FLNC: variants seen among roughly 807,000 people sequenced by gnomAD.
FLNC encodes the protein filamin-C.
Under a neutral mutation model 254.3 loss-of-function variants are expected in FLNC, and 91 were observed. That is an observed-to-expected ratio of 0.36 (90% CI 0.30 to 0.43). The LOEUF (loss-of-function observed/expected upper bound fraction) is 0.43. Among genes scored for constraint, FLNC ranks in the 20% least tolerant of loss-of-function variants. The probability of loss-of-function intolerance (pLI) is 1.00; values close to 1 mark genes in which losing one functional copy is unlikely to be tolerated. For missense variants in FLNC, 2,853 were observed against 3,802.6 expected (o/e 0.75, Z 6.57); for synonymous variants, 1,430 against 1,577.2 (o/e 0.91, Z 2.21).
chr7:128,858,948 G>A lies in FLNC; in HGVS notation c.*425G>A, dbSNP rs576323057. ...CCTCCTGACCCCGAGGACTTGGTCT[G>A]GTCTCTCTGGTGGCTACAACCCCAG... On this transcript the variant is annotated 3_prime_UTR_variant, in exon 48 of 48. Transcript: ENST00000325888. This position sits in a 1 kb window ranked among gnomAD's most constrained non-coding sequence, Gnocchi z 6.7. 2.6e-5 allele frequency: 6 copies of A among 234,366 alleles called. No homozygotes were observed. The highest frequency in any genetic ancestry group is 6.9e-5 in the South Asian group (1 of 14,532). 14.5% of individuals were successfully genotyped at this position (234,366 alleles called of 1,614,324 possible). A position where few individuals can be genotyped will look rare whatever the true frequency, so the allele number is the denominator to read the frequency against.
Position 128,836,131 on chromosome 7 carries a change from T to A in FLNC, c.601+557T>A, listed in dbSNP as rs1048666738. ...GTGGCAGGTGAGCCAGCCTTGCCCC[T>A]TCTCCGTGTAGGTCCTGGCCTGGTC... On this transcript the variant is annotated intron_variant, in intron 2 of 47. Coordinates refer to ENST00000325888, the MANE Select transcript of FLNC (RefSeq NM_001458.5). This position sits in a 1 kb window ranked among gnomAD's most constrained non-coding sequence, Gnocchi z 6.0. 6.6e-6 allele frequency among the ~76,000 whole-genome samples: 1 copy of A among 152,174 alleles called. No homozygotes were observed. Among genetic ancestry groups the A allele is most frequent in the African/African-American group, 2.4e-5 (1 of 41,452 alleles).
Position 128,848,654 on chromosome 7 carries a change from G to A in FLNC, c.4674G>A (p.Leu1558=). Residue 1558 remains leucine, a synonymous_variant, in exon 27 of 48, where the codon CTG becomes CTA. Transcript: ENST00000325888. ...ACGCCTCTGGCATCCCTGCCAGCCTGCCTGTGGAGTTCACCATCGACGCAC... is the reference window on the plus strand; with the variant it reads ...ACGCCTCTGGCATCCCTGCCAGCCTACCTGTGGAGTTCACCATCGACGCAC... ...GLNASGIPAS[L]PVEFTIDARD... 6.2e-7 allele frequency: 1 copy of A among 1,613,568 alleles called. No homozygotes were observed. Among genetic ancestry groups the A allele is most frequent in the African/African-American group, 1.3e-5 (1 of 75,062 alleles).
rs765841097 is a variant in FLNC, at chr7:128,854,847, C to T, written c.7070C>T (p.Ala2357Val). The T allele has an allele frequency of 6.2e-7, 1 of 1,614,022 alleles. No individual in the cohort carries two copies. Among genetic ancestry groups the T allele is most frequent in the South Asian group, 1.1e-5 (1 of 91,076 alleles). Reference protein sequence around the residue: ...LSIAVEGPSKAEIAFEDRKDG... With the variant: ...LSIAVEGPSKVEIAFEDRKDG... ...ATTGCTGTGGAGGGTCCTAGCAAAG[C>T]GGAGATTGCATTTGAGGATCGCAAA... The change falls in exon 42 of 48, where the codon GCG becomes GTG. Residue 2357 changes from alanine (A) to valine (V), a missense_variant. Around this residue, in one of 10 missense-constraint regions of FLNC, gnomAD observed 551 missense variants for 835.0 expected, o/e 0.66. Transcript: ENST00000325888.
Position 128,856,480 on chromosome 7 carries a change from C to A in FLNC, c.7252-38C>A. 6.2e-7 allele frequency: 1 copy of A among 1,607,064 alleles called. No homozygotes were observed. The highest frequency in any genetic ancestry group is 8.5e-7 in the Non-Finnish European group (1 of 1,179,804). On this transcript the variant is annotated intron_variant, in intron 43 of 47. Transcript: ENST00000325888. This position sits in a 1 kb window ranked among gnomAD's most constrained non-coding sequence, Gnocchi z 5.9. ...TCAGAGAAGACTGCTCCAGCCCCGG[C>A]CTCCCAGGAGTCTGAGCATCCTCCG...
rs1011301530 is a variant in FLNC, at chr7:128,830,864, T to G, written c.227T>G (p.Val76Gly). 1.2e-6 allele frequency: 2 copies of G among 1,612,870 alleles called. No individual in the cohort carries two copies. Among genetic ancestry groups the G allele is most frequent in the Non-Finnish European group, 1.7e-6 (2 of 1,179,940 alleles). The part of the protein sequence containing the change: ...DGLRLIALLE[V>G]LSQKRMYRKF... ...CTCCGGCTCATCGCGCTGCTCGAGG[T>G]GCTCAGCCAGAAGCGCATGTACCGC... The change falls in exon 1 of 48, where the codon GTG (valine) becomes GGG (glycine). Residue 76 changes from valine to glycine, a missense_variant. Around this residue, in one of 10 missense-constraint regions of FLNC, gnomAD observed 59 missense variants for 59.8 expected, o/e 0.99. Transcript: ENST00000325888.
In FLNC at chr7:128,841,157, C is replaced by G. The variant is rs766268709; in HGVS notation, c.1814-13C>G. 5 of 1,613,204 alleles carry G rather than the reference C, an allele frequency of 3.1e-6. No individual in the cohort carries two copies. Among genetic ancestry groups the G allele is most frequent in the Non-Finnish European group, 2.5e-6 (3 of 1,179,804 alleles). On this transcript the variant is annotated splice_polypyrimidine_tract_variant and intron_variant, in intron 11 of 47. Transcript: ENST00000325888. The surrounding 1 kb of genome is among the most constrained non-coding windows in gnomAD (Gnocchi z 4.3). ...TGATGCTGGATCCCCGACCCTCCCC[C>G]ACCTTGCCCCAGGCTTCTCCATCGA...
In FLNC at chr7:128,853,767, C is replaced by T. The variant is rs1173000688; in HGVS notation, c.6414C>T (p.Ile2138=). The change falls in exon 39 of 48, where the codon ATC becomes ATT. Residue 2138 remains isoleucine, a synonymous_variant. Coordinates refer to ENST00000325888, the MANE Select transcript of FLNC (RefSeq NM_001458.5). ...VTGEGRMKES[I]TRRRQAPSIA... ...GCGAGGGCCGCATGAAGGAGAGCATCACCCGGCGGAGACAGGCACCTTCCA... is the reference window on the plus strand; with the variant it reads ...GCGAGGGCCGCATGAAGGAGAGCATTACCCGGCGGAGACAGGCACCTTCCA... 2 of 1,613,854 alleles carry T rather than the reference C, an allele frequency of 1.2e-6. No homozygotes were observed. Among genetic ancestry groups the T allele is most frequent in the Non-Finnish European group, 1.7e-6 (2 of 1,180,048 alleles).
chr7:128,832,931 G>A (rs1807951210), intron 1 of FLNC, among the ~76,000 whole-genome samples: 1 of 152,168 alleles, frequency 6.6e-6, no homozygotes, highest in Non-Finnish European at 1.5e-5. Context: ...TGGTGGAAAG[G>A]GGCTATCCAT....
In FLNC at chr7:128,843,528, T is replaced by C. The variant is rs1362325972; in HGVS notation, c.2762T>C (p.Ile921Thr). The C allele has an allele frequency of 1.9e-6, 3 of 1,613,908 alleles. No homozygotes were observed. Among genetic ancestry groups the C allele is most frequent in the African/African-American group, 2.7e-5 (2 of 75,028 alleles). The part of the protein sequence containing the change: ...KGEVVRDFEI[I>T]DNHDYSYTVK... ...GAGGTTGTGCGGGACTTTGAGATCA[T>C]AGACAACCATGACTACTCCTACACT... Residue 921 changes from isoleucine to threonine, a missense_variant, in exon 18 of 48, where the codon ATA becomes ACA. Transcript: ENST00000325888.
rs3734973 is a variant in FLNC at position 128,844,762 on chromosome 7, A to G, written c.3297A>G (p.Val1099=). Residue 1099 remains valine (V), a synonymous_variant, in exon 21 of 48, where the codon GTA becomes GTG. Transcript: ENST00000325888. ...GCACAGGTGGCCTGGGGCTGACCGTAGAGGGCCCCTGCGAGGCCAAGATCG... is the reference window on the plus strand; with the variant it reads ...GCACAGGTGGCCTGGGGCTGACCGTGGAGGGCCCCTGCGAGGCCAAGATCG... The part of the protein sequence containing the change: ...GAGTGGLGLT[V]EGPCEAKIEC... The G allele has an allele frequency of 0.2, 316,763 of 1,613,820 alleles. 38,849 individuals carry two copies. Among genetic ancestry groups the G allele is most frequent in the African/African-American group, 0.55 (41,351 of 74,984 alleles).
Position 128,838,074 on chromosome 7 carries a change from T to C in FLNC, c.1047+10T>C. ...CGCTGGGTTACACAAGGTATCTCCCTCTAGGCCCCCCTGCCTGCGCTGCTC... is the reference window on the plus strand; with the variant it reads ...CGCTGGGTTACACAAGGTATCTCCCCCTAGGCCCCCCTGCCTGCGCTGCTC... On this transcript the variant is annotated intron_variant, in intron 6 of 47. Coordinates refer to ENST00000325888, the MANE Select transcript of FLNC (RefSeq NM_001458.5). 6.2e-7 allele frequency: 1 copy of C among 1,609,920 alleles called. No homozygotes were observed. The highest frequency in any genetic ancestry group is 8.5e-7 in the Non-Finnish European group (1 of 1,176,436).
Position 128,856,877 on chromosome 7 carries a change from G to A in FLNC, c.7517G>A (p.Gly2506Asp). 1 of 1,614,202 alleles carries A rather than the reference G, an allele frequency of 6.2e-7. No individual in the cohort carries two copies. Among genetic ancestry groups the A allele is most frequent in the Non-Finnish European group, 8.5e-7 (1 of 1,180,036 alleles). Residue 2506 changes from glycine (G) to aspartate (D), a missense_variant, in exon 45 of 48, where the codon GGC (glycine) becomes GAC (aspartate). Gly to Asp is a moderately conservative substitution (Grantham distance 94). Around this residue, in one of 10 missense-constraint regions of FLNC, gnomAD observed 197 missense variants for 351.5 expected, o/e 0.56. Transcript: ENST00000325888. The surrounding 1 kb of genome is among the most constrained non-coding windows in gnomAD (Gnocchi z 5.9). ...VGEQSQAGDP[G>D]LVSAYGPGLE... ...GAGCAGAGCCAGGCTGGGGACCCAGGCTTGGTGTCAGCCTACGGTCCTGGG... is the reference window on the plus strand; with the variant it reads ...GAGCAGAGCCAGGCTGGGGACCCAGACTTGGTGTCAGCCTACGGTCCTGGG...
chr7:128,849,675 C>A, intron 30 of FLNC, 97 bp downstream of exon 30: 1 of 1,491,494 alleles, frequency 6.7e-7, no homozygotes, highest in South Asian at 1.2e-5. Context: ...CCCAAGGAAT[C>A]CCACTTCTCT....
At position 128,831,044 on chromosome 7, in the gene FLNC, G is replaced by T. The variant is rs1807867855; in HGVS notation, c.352+55G>T. 4.2e-5 allele frequency: 66 copies of T among 1,556,478 alleles called. No individual in the cohort carries two copies. In the South Asian group the frequency reaches 6.9e-4, roughly 16 times the overall value. On this transcript the variant is annotated intron_variant, in intron 1 of 47. Transcript: ENST00000325888. ...TGCGGGGATAGGGTCGTCCCATGGG[G>T]CAGGGGCACAGGTGCGGGGTGGGCG... is the stretch of plus-strand genomic sequence containing the variant.
chr7:128,852,488 G>A, intron 35 of FLNC, 103 bp from the exon 36 acceptor site: 1 of 1,360,094 alleles, frequency 7.4e-7, no homozygotes, highest in Non-Finnish European at 1.0e-6. Context: ...GGCCCCCCGT[G>A]TCTGTTGAGT....
rs1469972341 is a variant in FLNC, at chr7:128,856,323, G to A, written c.7252-195G>A. On this transcript the variant is annotated intron_variant, in intron 43 of 47. Transcript: ENST00000325888. This position sits in a 1 kb window ranked among gnomAD's most constrained non-coding sequence, Gnocchi z 5.9. ...ACACCAAGCACAGCTAGGATAGCAG[G>A]TGCACACATAGGGTTGCATACCGGA... 6.6e-6 allele frequency among the ~76,000 whole-genome samples: 1 copy of A among 152,224 alleles called. No individual in the cohort carries two copies. The highest frequency in any genetic ancestry group is 1.9e-4 in the East Asian group (1 of 5,194).
chr7:128,846,485 C>G (rs1287169045), intron 23 of FLNC, 22 bp downstream of exon 23: 5 of 1,599,628 alleles, frequency 3.1e-6, no homozygotes, highest in Non-Finnish European at 4.2e-6. Context: ...CTTTGCTAGC[C>G]TAAATCTGTG....
Position 128,851,552 on chromosome 7 carries a change from G to A in FLNC, c.5766G>A (p.Ala1922=), listed in dbSNP as rs58914363. ...GCACCGTGTCCTATCTGCCGACTGC[G>A]CCTGGAGACTACAGCATCATCGTGC... is the stretch of plus-strand genomic sequence containing the variant. ...GTCTVSYLPT[A]PGDYSIIVRF... is the part of the protein sequence containing the mutation. Residue 1922 remains alanine, a synonymous_variant, in exon 35 of 48, where the codon GCG becomes GCA. Transcript: ENST00000325888. 8.5e-4 allele frequency: 1,371 copies of A among 1,613,974 alleles called. 5 individuals carry two copies. The highest frequency in any genetic ancestry group is 4.5e-3 in the Middle Eastern group (27 of 6,062).
In FLNC at chr7:128,848,635, C is replaced by A; in HGVS notation, c.4655C>A (p.Ser1552Tyr). The A allele has an allele frequency of 6.2e-7, 1 of 1,613,574 alleles. No homozygotes were observed. The highest frequency in any genetic ancestry group is 8.5e-7 in the Non-Finnish European group (1 of 1,180,026). ...GCCAGCGGCCCAGGCCTCAACGCCTCTGGCATCCCTGCCAGCCTGCCTGTG... is the reference window on the plus strand; with the variant it reads ...GCCAGCGGCCCAGGCCTCAACGCCTATGGCATCCCTGCCAGCCTGCCTGTG... ...VRASGPGLNA[S>Y]GIPASLPVEF... Residue 1552 changes from serine (S) to tyrosine (Y), a missense_variant, in exon 27 of 48, where the codon TCT becomes TAT. Physicochemically the swap from Ser to Tyr is moderately radical, Grantham distance 144. This residue lies in a region of FLNC where 1,573 missense variants were observed against 1,883.5 expected (regional missense o/e 0.84). Coordinates refer to ENST00000325888, the MANE Select transcript of FLNC (RefSeq NM_001458.5).
Sources: allele counts gnomAD v4.1 joint callset (sites outside exome capture counted in the v4.1 genomes callset), GRCh38; gene constraint gnomAD v4.1.1; regional missense constraint gnomAD v4.1.1; non-coding constraint Gnocchi (gnomAD v3.1); transcripts MANE v1.5; gene names NCBI Gene and HGNC (gene_info 2026-07-23, HGNC 2026-07-21).